The following FRMPD4 variants were observed in gnomAD, a reference collection of about 807,000 sequenced individuals.
FRMPD4 encodes the protein FERM and PDZ domain-containing protein 4.
A neutral mutation model predicts 94.1 loss-of-function variants in FRMPD4; 22 were observed. The observed-to-expected ratio is 0.23, with a 90% confidence interval of 0.17 to 0.33. The LOEUF (loss-of-function observed/expected upper bound fraction) is 0.33, where lower values mean the gene tolerates loss of function less well. Ranked by LOEUF, FRMPD4 falls within the 10% of genes least tolerant of loss-of-function variation. The pLI is 1.00. For synonymous variants in FRMPD4, 631 were observed against 548.6 expected (o/e 1.15, Z -2.10); for missense variants, 1,111 against 1,339.9 (o/e 0.83, Z 2.67).
intron 1 of FRMPD4, among the ~76,000 whole-genome samples, chrX:12,255,995 T>C (rs1485020587): frequency 8.9e-6 from 1 of 112,324 alleles, no homozygotes; most frequent in African/African-American, 3.2e-5. Flanking sequence ...GCATGCCATA[T>C]TAGCAACCTA....
intron 1 of FRMPD4, among the ~76,000 whole-genome samples, chrX:12,432,692 G>A (rs1422688211): frequency 1.8e-5 from 2 of 112,236 alleles, no homozygotes; most frequent in African/African-American, 6.5e-5. Flanking sequence ...GCAAGATACA[G>A]GGAGAGAATG....
intron 2 of FRMPD4, among the ~76,000 whole-genome samples, chrX:12,564,947 G>C (rs1043748064): frequency 9.0e-6 from 1 of 110,737 alleles, no homozygotes; most frequent in Non-Finnish European, 1.9e-5. Flanking sequence ...ATGGCCGGGC[G>C]TGGTGGCGGG....
chrX:12,625,711 T>G (rs974760177), intron 4 of FRMPD4, among the ~76,000 whole-genome samples: 1 of 111,420 alleles, frequency 9.0e-6, no homozygotes, highest in Admixed American at 9.6e-5. Flanking sequence ...AAATAAGACC[T>G]AGTGTTTTAT....
chrX:11,982,852 A>G (rs1281286997), intron 3 of FRMPD4, among the ~76,000 whole-genome samples: 1 of 111,809 alleles, frequency 8.9e-6, no homozygotes, highest in Non-Finnish European at 1.9e-5. Context: ...GTTATTTTAT[A>G]TTTTGGATCT....
At chrX:11,973,527 G>A (rs73190512) in intron 3 of FRMPD4, among the ~76,000 whole-genome samples, 150 of 111,611 alleles carry the variant, frequency 1.3e-3, no homozygotes, top group Admixed American at 3.4e-3. Flanking sequence ...TTTTTTATAG[G>A]TGCTTTAAAT....
chrX:11,841,938 G>A (rs1219096022), intron 1 of FRMPD4, among the ~76,000 whole-genome samples: 87 of 110,603 alleles, frequency 7.9e-4, no homozygotes, highest in African/African-American at 2.5e-3. Flanking sequence ...GGTGTAAGGA[G>A]GGGATCCAGT....
At chrX:12,481,950 A>AAAAATAAATAAAAAT (rs2057689061) in intron 1 of FRMPD4, among the ~76,000 whole-genome samples, 1 of 88,369 alleles carries the variant, frequency 1.1e-5, no homozygotes, top group Non-Finnish European at 2.3e-5. Flanking sequence ...CTCAAAAAAA[A>AAAAATAAATAAAAAT]AAAAAAAAAA....
chrX:12,268,003 C>T (rs953396207), intron 1 of FRMPD4, among the ~76,000 whole-genome samples: 1 of 112,864 alleles, frequency 8.9e-6, no homozygotes, highest in Non-Finnish European at 1.9e-5. Context: ...TTTTCACTCA[C>T]ATCCCTTACT....
At chrX:11,876,175 A>G (rs2053784330) in intron 2 of FRMPD4, among the ~76,000 whole-genome samples, 1 of 109,970 alleles carries the variant, frequency 9.1e-6, no homozygotes, top group African/African-American at 3.3e-5. Context: ...ATTCACTCCC[A>G]AGACAACTCC....
intron 3 of FRMPD4, among the ~76,000 whole-genome samples, chrX:12,087,594 C>T (rs1315635625): frequency 8.9e-6 from 1 of 112,020 alleles, no homozygotes; most frequent in Non-Finnish European, 1.9e-5. Flanking sequence ...GTACAAAAGT[C>T]TTGTTCAAGG....
intron 2 of FRMPD4, among the ~76,000 whole-genome samples, chrX:12,541,217 G>A (rs1298975857): frequency 9.0e-6 from 1 of 111,642 alleles, no homozygotes; most frequent in African/African-American, 3.3e-5. Context: ...AAAGCTAGCA[G>A]AAGGCAAGAA....
intron 1 of FRMPD4, among the ~76,000 whole-genome samples, chrX:12,284,884 G>A (rs1194755026): frequency 8.9e-6 from 1 of 111,970 alleles, no homozygotes; most frequent in Non-Finnish European, 1.9e-5. Flanking sequence ...CTATGCCTCA[G>A]TTTTCTCATC....
chrX:11,998,308 T>C (rs987316102), intron 3 of FRMPD4, among the ~76,000 whole-genome samples: 14 of 112,024 alleles, frequency 1.2e-4, no homozygotes, highest in Non-Finnish European at 2.6e-4. Flanking sequence ...ATATATCCCT[T>C]TCATGTGTGG....
At chrX:11,896,161 G>A (rs1161122600) in intron 3 of FRMPD4, among the ~76,000 whole-genome samples, 5 of 111,554 alleles carry the variant, frequency 4.5e-5, no homozygotes, top group African/African-American at 1.6e-4. Flanking sequence ...AATTCAATTA[G>A]CTTTCCTAAA....
chrX:12,063,294 G>C (rs1255035614), intron 3 of FRMPD4, among the ~76,000 whole-genome samples: 3 of 111,404 alleles, frequency 2.7e-5, no homozygotes, highest in Non-Finnish European at 5.7e-5. Context: ...ACTTGGACCT[G>C]GGAGGTCGAG....
chrX:12,393,282 C>T (rs1262732432), intron 1 of FRMPD4, among the ~76,000 whole-genome samples: 1 of 112,076 alleles, frequency 8.9e-6, no homozygotes, highest in African/African-American at 3.2e-5. Context: ...ATCCATTCTA[C>T]CCCTTTTTAA....
chrX:12,610,220 G>A (rs1176636735), intron 3 of FRMPD4, among the ~76,000 whole-genome samples: 3 of 112,005 alleles, frequency 2.7e-5, no homozygotes, highest in Non-Finnish European at 5.6e-5. Flanking sequence ...AAAAAAGGAG[G>A]AAGTGGTTAC....
At chrX:12,471,461 G>T (rs1472836567) in intron 1 of FRMPD4, among the ~76,000 whole-genome samples, 1 of 111,733 alleles carries the variant, frequency 8.9e-6, no homozygotes, top group African/African-American at 3.3e-5. Flanking sequence ...AGGTCAGGGG[G>T]ATTCTATCAA....
intron 1 of FRMPD4, among the ~76,000 whole-genome samples, chrX:12,165,089 A>C (rs756716720): frequency 4.3e-3 from 480 of 111,040 alleles, no homozygotes; most frequent in South Asian, 0.015. Flanking sequence ...TTTTGTTGCC[A>C]TTGCTTTTGG....
Sources: gnomAD v4.1 joint callset for allele counts (sites outside exome capture counted in the v4.1 genomes callset) on GRCh38, gnomAD v4.1.1 for gene constraint, MANE v1.5 for transcripts, NCBI Gene and HGNC (gene_info 2026-07-23, HGNC 2026-07-21) for gene names.